IGF2BP1: variants seen among roughly 807,000 people sequenced by gnomAD.
IGF2BP1 encodes insulin like growth factor 2 mRNA binding protein 1.
A neutral mutation model predicts 74.9 loss-of-function variants in IGF2BP1; 11 were observed. That is an observed-to-expected ratio of 0.15 (90% CI 0.09 to 0.24). The LOEUF (loss-of-function observed/expected upper bound fraction) is 0.24. Among genes scored for constraint, IGF2BP1 ranks in the 10% least tolerant of loss-of-function variants. The pLI is 1.00. For synonymous variants in IGF2BP1, 287 were observed against 281.8 expected (o/e 1.02, Z -0.18); for missense variants, 440 against 757.4 (o/e 0.58, Z 4.92).
At position 49,026,687 on chromosome 17, in the gene IGF2BP1, G is replaced by GCCTT. The variant is rs1300661262; in HGVS notation, c.337+174_337+177dup. Among the ~76,000 whole-genome samples the GCCTT allele has an allele frequency of 5.3e-5, 5 of 95,062 alleles. No individual in the cohort carries two copies. The South Asian group carries it at 1.4e-3, about 27-fold the overall frequency. The allele number at this position is 95,062 out of a possible 152,430, so 62.4% of individuals were successfully genotyped here. A position where few individuals can be genotyped will look rare whatever the true frequency, so the allele number is the denominator to read the frequency against. ...TTCCTGCCTTCCTTCCTGCCTTCCT[G>GCCTT]CCTTCCTGCCTTCCTGCCTTCCTGC... is the stretch of plus-strand genomic sequence containing the variant. On this transcript the variant is annotated intron_variant, in intron 4 of 14. Transcript: ENST00000290341.
At chr17:49,000,382 C>T (rs965661626) in intron 2 of IGF2BP1, among the ~76,000 whole-genome samples, 1 of 152,078 alleles carries the variant, frequency 6.6e-6, no homozygotes, top group African/African-American at 2.4e-5. Context: ...ATTTAAGTAA[C>T]TTGGAACTAT....
intron 1 of IGF2BP1, 46 bp from the exon 2 acceptor site, chr17:48,999,063 A>C (rs765617611): frequency 1.7e-5 from 20 of 1,178,390 alleles, no homozygotes; most frequent in Non-Finnish European, 2.5e-5. Context: ...CCCACCCCCA[A>C]CCCCTGTTCA....
At position 49,045,870 on chromosome 17, in the gene IGF2BP1, C is replaced by CA; in HGVS notation, c.1396-18dup. 1 of 1,611,166 alleles carries CA rather than the reference C, an allele frequency of 6.2e-7. No individual in the cohort carries two copies. The highest frequency in any genetic ancestry group is 8.5e-7 in the Non-Finnish European group (1 of 1,178,518). On this transcript the variant is annotated intron_variant, in intron 12 of 14. Coordinates refer to ENST00000290341, the MANE Select transcript of IGF2BP1 (RefSeq NM_006546.4). ...CACAGATATATGAACCACTGATTAA[C>CA]AATTACCTCCTCTTCTCAGGCTCAG... is the stretch of plus-strand genomic sequence containing the variant.
intron 2 of IGF2BP1, among the ~76,000 whole-genome samples, chr17:49,014,477 A>G (rs2041666568): frequency 6.6e-6 from 1 of 151,580 alleles, no homozygotes; most frequent in Non-Finnish European, 1.5e-5. Flanking sequence ...CAGTCCTCCC[A>G]GACAGGATCC....
At chr17:49,013,062 C>G (rs763913227) in intron 2 of IGF2BP1, 2 of 152,200 alleles carry the variant, frequency 1.3e-5, no homozygotes, top group Non-Finnish European at 2.9e-5. Context: ...TTAGTCTCCC[C>G]TGGTTGTTGA....
At chr17:49,014,230 C>T (rs2041662299) in intron 2 of IGF2BP1, among the ~76,000 whole-genome samples, 1 of 147,554 alleles carries the variant, frequency 6.8e-6, no homozygotes, top group Non-Finnish European at 1.5e-5. Flanking sequence ...CAGTCTCCGC[C>T]TCAGTCTCCC....
intron 2 of IGF2BP1, among the ~76,000 whole-genome samples, chr17:49,006,083 A>G (rs2041549015): frequency 6.6e-6 from 1 of 152,206 alleles, no homozygotes; most frequent in Non-Finnish European, 1.5e-5. Flanking sequence ...AACCAACTCA[A>G]TCACTCATTT....
chr17:49,039,809 A>G (rs891412566), intron 6 of IGF2BP1, 148 bp from the exon 7 acceptor site: 3 of 807,580 alleles, frequency 3.7e-6, no homozygotes, highest in Admixed American at 5.2e-5. Context: ...CAGTCCTTTC[A>G]TTGCCCTTCC....
Position 48,997,956 on chromosome 17 carries a change from G to A in IGF2BP1, c.175+36G>A. On this transcript the variant is annotated intron_variant, in intron 1 of 14. Transcript: ENST00000290341. This position sits in a 1 kb window ranked among gnomAD's most constrained non-coding sequence, Gnocchi z 4.8. ...AGCCACCTCCCGGAAAAGCCACAACGAGAGCCCCGAACAACGGAGACCCGC... is the reference window on the plus strand; with the variant it reads ...AGCCACCTCCCGGAAAAGCCACAACAAGAGCCCCGAACAACGGAGACCCGC... 1.2e-6 allele frequency: 2 copies of A among 1,603,040 alleles called. No homozygotes were observed. The highest frequency in any genetic ancestry group is 1.7e-6 in the Non-Finnish European group (2 of 1,173,818).
At chr17:49,000,440 G>T (rs778321815) in intron 2 of IGF2BP1, among the ~76,000 whole-genome samples, 1 of 152,178 alleles carries the variant, frequency 6.6e-6, no homozygotes, top group Non-Finnish European at 1.5e-5. Context: ...TAGAGCTTGC[G>T]ATTTAACTTC....
intron 2 of IGF2BP1, among the ~76,000 whole-genome samples, chr17:49,006,247 C>G (rs1443604324): frequency 1.3e-5 from 2 of 152,036 alleles, no homozygotes; most frequent in African/African-American, 4.8e-5. Context: ...GTGGTCTGAC[C>G]TCTTTGGCAA....
chr17:49,048,119 A>G (rs1050778597), intron 14 of IGF2BP1, among the ~76,000 whole-genome samples: 2 of 152,224 alleles, frequency 1.3e-5, no homozygotes, highest in Non-Finnish European at 2.9e-5. Context: ...TATTTCCTTT[A>G]TAAAACTTTA....
At chr17:49,041,147 C>G (rs2042047796) in intron 7 of IGF2BP1, among the ~76,000 whole-genome samples, 1 of 152,142 alleles carries the variant, frequency 6.6e-6, no homozygotes, top group Non-Finnish European at 1.5e-5. Flanking sequence ...CCACTGCATT[C>G]CAGCCTGGGT....
chr17:49,031,990 G>A lies in IGF2BP1; in HGVS notation c.401+17G>A. Reference sequence around the variant, plus strand: ...GACCAGGCAGTGAGTGGGCTGGGAAGTGGGGCTGGGTGCGGTGGGGGGGGG... The same window carrying A: ...GACCAGGCAGTGAGTGGGCTGGGAAATGGGGCTGGGTGCGGTGGGGGGGGG... On this transcript the variant is annotated intron_variant, in intron 5 of 14. Transcript: ENST00000290341. 6.3e-7 allele frequency: 1 copy of A among 1,591,234 alleles called. No homozygotes were observed. The highest frequency in any genetic ancestry group is 8.6e-7 in the Non-Finnish European group (1 of 1,164,498).
At chr17:48,997,065 A>C (rs998370461), upstream of IGF2BP1, among the ~76,000 whole-genome samples, 2 of 149,464 alleles carry the variant, frequency 1.3e-5, no homozygotes, top group Non-Finnish European at 3.0e-5. The surrounding 1 kb of genome is among the most constrained non-coding windows in gnomAD (Gnocchi z 4.8). Flanking sequence ...ATAACCGTAC[A>C]TTTTACCCTT....
chr17:49,003,511 GGTA>G (rs1038625302), intron 2 of IGF2BP1, among the ~76,000 whole-genome samples: 4 of 152,114 alleles, frequency 2.6e-5, no homozygotes, highest in South Asian at 2.1e-4. Context: ...TGTGTGGGGT[GGTA>G]GTGGTGGTGA....
intron 2 of IGF2BP1, among the ~76,000 whole-genome samples, chr17:49,002,864 T>C (rs1299302658): frequency 1.3e-5 from 2 of 152,208 alleles, no homozygotes; most frequent in Non-Finnish European, 2.9e-5. Flanking sequence ...CCTTCACTGC[T>C]GGTAGAAATC....
intron 2 of IGF2BP1, among the ~76,000 whole-genome samples, chr17:49,020,186 G>C (rs1384259171): frequency 1.3e-5 from 2 of 151,560 alleles, no homozygotes; most frequent in Non-Finnish European, 2.9e-5. Context: ...TGGGGTTACA[G>C]GTGTGCTCCA....
intron 1 of IGF2BP1, among the ~76,000 whole-genome samples, chr17:48,998,629 A>G (rs971025201): frequency 1.3e-5 from 2 of 150,934 alleles, no homozygotes; most frequent in Admixed American, 1.3e-4. Flanking sequence ...CCCCAGGTCC[A>G]CCCCTTCCCA....
Sources: gnomAD v4.1 joint callset for allele counts (sites outside exome capture counted in the v4.1 genomes callset) on GRCh38, gnomAD v4.1.1 for gene constraint, Gnocchi (gnomAD v3.1) non-coding constraint, MANE v1.5 for transcripts, NCBI Gene and HGNC (gene_info 2026-07-23, HGNC 2026-07-21) for gene names.